Variants in RPS6KC1 observed in about 807,000 individuals in gnomAD.
RPS6KC1 encodes ribosomal protein S6 kinase C1, also known as inactive ribosomal protein S6 kinase delta-1.
In RPS6KC1, 54 loss-of-function variants were observed where a neutral mutation model predicts 103.8. That is an observed-to-expected ratio of 0.52 (90% CI 0.42 to 0.65). The LOEUF is 0.65. Among genes scored for constraint, RPS6KC1 ranks in the 30% least tolerant of loss-of-function variants. The pLI, the probability that RPS6KC1 is intolerant of heterozygous loss-of-function variation, is 0.00. For synonymous variants in RPS6KC1, 439 were observed against 438.7 expected (o/e 1.00, Z -0.01); for missense variants, 1,151 against 1,253.8 (o/e 0.92, Z 1.24).
the RPS6KC1 span, among the ~76,000 whole-genome samples, chr1:213,604,714 G>A: frequency 7.9e-5 from 12 of 152,180 alleles, no homozygotes; most frequent in African/African-American, 2.9e-4. Flanking sequence ...GCCCTGGGGC[G>A]ACCATCTGCC....
At position 213,158,573 on chromosome 1, in the gene RPS6KC1, T is replaced by A. The variant is rs570671198; in HGVS notation, c.836-9285T>A. 7.2e-5 allele frequency among the ~76,000 whole-genome samples: 11 copies of A among 152,342 alleles called. No individual in the cohort carries two copies. The South Asian group carries it at 1.7e-3, about 23-fold the overall frequency. On this transcript the variant is annotated intron_variant, in intron 6 of 14. Coordinates refer to ENST00000366960, the MANE Select transcript of RPS6KC1 (RefSeq NM_012424.6). ...AAAGCAAAGTTTAATTAATTTTAGT[T>A]TATTGTACTTACAAATGGAGTAGCC...
intron 8 of RPS6KC1, among the ~76,000 whole-genome samples, chr1:213,207,361 G>A (rs1287472737): frequency 6.6e-6 from 1 of 152,174 alleles, no homozygotes; most frequent in Non-Finnish European, 1.5e-5. Flanking sequence ...CAGGAAAAGA[G>A]ACTGAAGGTC....
chr1:213,052,574 C>T (rs2148238785), intron 1 of RPS6KC1, among the ~76,000 whole-genome samples: 1 of 151,582 alleles, frequency 6.6e-6, no homozygotes, highest in East Asian at 1.9e-4. Context: ...GAGTTTCGCT[C>T]TTGTTGCCCA....
At chr1:213,382,348 T>C in the RPS6KC1 span, among the ~76,000 whole-genome samples, 82,836 of 152,046 alleles carry the variant, frequency 0.54, 23,980 homozygotes, top group East Asian at 0.73. Context: ...CATGTTGATC[T>C]GTGGCATAAA....
chr1:213,750,030 C>T, the RPS6KC1 span, among the ~76,000 whole-genome samples: 121 of 152,318 alleles, frequency 7.9e-4, no homozygotes, highest in African/African-American at 2.7e-3. Flanking sequence ...AGACACATAT[C>T]AAATGAAAAT....
At chr1:213,113,257 A>C (rs1290632054) in intron 4 of RPS6KC1, among the ~76,000 whole-genome samples, 4 of 151,754 alleles carry the variant, frequency 2.6e-5, no homozygotes, top group African/African-American at 9.7e-5. Context: ...TTGCCATTCT[A>C]ACTGGTGTGA....
the RPS6KC1 span, among the ~76,000 whole-genome samples, chr1:213,621,899 G>A: frequency 0.37 from 56,757 of 151,916 alleles, 11,426 homozygotes; most frequent in Non-Finnish European, 0.46. Context: ...GAATGAATCT[G>A]GCAAGGATCT....
the RPS6KC1 span, among the ~76,000 whole-genome samples, chr1:213,476,829 A>G: frequency 2.0e-5 from 3 of 152,242 alleles, no homozygotes; most frequent in Non-Finnish European, 2.9e-5. Flanking sequence ...AAATTTAACC[A>G]TCAGAGGATT....
the RPS6KC1 span, among the ~76,000 whole-genome samples, chr1:213,445,705 G>A: frequency 2.0e-5 from 3 of 152,176 alleles, no homozygotes; most frequent in East Asian, 1.9e-4. Context: ...TGAAGTAGCC[G>A]AGGAAGCCAC....
the RPS6KC1 span, among the ~76,000 whole-genome samples, chr1:213,815,364 A>G: frequency 6.6e-6 from 1 of 152,222 alleles, no homozygotes; most frequent in Non-Finnish European, 1.5e-5. Context: ...ACAAACTAGT[A>G]ATTAATGTAA....
At chr1:213,796,860 G>A in the RPS6KC1 span, among the ~76,000 whole-genome samples, 9 of 152,118 alleles carry the variant, frequency 5.9e-5, no homozygotes, top group South Asian at 6.2e-4. Flanking sequence ...CCATCCTCTC[G>A]CCCCCATGCA....
At chr1:213,699,859 C>T in the RPS6KC1 span, among the ~76,000 whole-genome samples, 1 of 152,056 alleles carries the variant, frequency 6.6e-6, no homozygotes, top group Non-Finnish European at 1.5e-5. Context: ...TAAGAAATGT[C>T]TATTCAAATC....
chr1:213,668,885 C>A, the RPS6KC1 span, among the ~76,000 whole-genome samples: 1 of 152,204 alleles, frequency 6.6e-6, no homozygotes, highest in Non-Finnish European at 1.5e-5. Flanking sequence ...CATGAACCAA[C>A]CTCTGCTGGC....
At chr1:213,352,528 G>T in the RPS6KC1 span, among the ~76,000 whole-genome samples, 4 of 152,266 alleles carry the variant, frequency 2.6e-5, no homozygotes, top group South Asian at 6.2e-4. Flanking sequence ...GGCAAGGGAA[G>T]TGAAGGTCTT....
intron 3 of RPS6KC1, among the ~76,000 whole-genome samples, chr1:213,079,179 T>C (rs903639738): frequency 6.6e-6 from 1 of 152,216 alleles, no homozygotes; most frequent in Non-Finnish European, 1.5e-5. Flanking sequence ...GTTTTTGAAC[T>C]GATTTATTAA....
the RPS6KC1 span, among the ~76,000 whole-genome samples, chr1:213,854,653 A>ACAG: frequency 6.6e-6 from 1 of 151,550 alleles, no homozygotes; most frequent in African/African-American, 2.4e-5. Context: ...TACTTTCCAG[A>ACAG]CAGCATTTTT....
chr1:213,074,347 A>G (rs1358684230), intron 2 of RPS6KC1, among the ~76,000 whole-genome samples: 1 of 152,206 alleles, frequency 6.6e-6, no homozygotes, highest in African/African-American at 2.4e-5. Flanking sequence ...TAAATAAGAA[A>G]CTTATGGAGA....
At chr1:213,690,159 G>C in the RPS6KC1 span, among the ~76,000 whole-genome samples, 1 of 152,164 alleles carries the variant, frequency 6.6e-6, no homozygotes, top group Admixed American at 6.6e-5. Context: ...GGATGGTTCA[G>C]CCTGTATATT....
chr1:213,130,286 G>A (rs1003702377), intron 6 of RPS6KC1, among the ~76,000 whole-genome samples: 1 of 152,150 alleles, frequency 6.6e-6, no homozygotes, highest in Non-Finnish European at 1.5e-5. Context: ...TAAACTAAGA[G>A]CATAAAAGAT....
Sources: allele counts gnomAD v4.1 joint callset (sites outside exome capture counted in the v4.1 genomes callset), GRCh38; gene constraint gnomAD v4.1.1; transcripts MANE v1.5; gene names NCBI Gene and HGNC (gene_info 2026-07-23, HGNC 2026-07-21).